SDK1: variants seen among roughly 807,000 people sequenced by gnomAD.
SDK1 encodes the protein sidekick cell adhesion molecule 1, also known as protein sidekick-1.
Under a neutral mutation model 245.5 loss-of-function variants are expected in SDK1, and 157 were observed. That is an observed-to-expected ratio of 0.64 (90% CI 0.56 to 0.73). SDK1 has a LOEUF of 0.73. Among genes scored for constraint, SDK1 ranks in the 30% least tolerant of loss-of-function variants. The probability of loss-of-function intolerance (pLI) is 0.00; values close to 1 mark genes in which losing one functional copy is unlikely to be tolerated. For missense variants in SDK1, 3,583 were observed against 3,002.3 expected (o/e 1.19, Z -4.52); for synonymous variants, 1,647 against 1,278.5 (o/e 1.29, Z -6.15).
intron 1 of SDK1, among the ~76,000 whole-genome samples, chr7:3,468,420 C>T (rs1455362174): frequency 6.6e-6 from 1 of 152,156 alleles, no homozygotes; most frequent in Non-Finnish European, 1.5e-5. Context: ...TCCCCCGAAT[C>T]TACCCATAGA....
At position 4,210,095 on chromosome 7, in the gene SDK1, G is replaced by A; in HGVS notation, c.5472G>A (p.Glu1824=). The A allele has an allele frequency of 6.2e-7, 1 of 1,610,552 alleles. No homozygotes were observed. The highest frequency in any genetic ancestry group is 8.5e-7 in the Non-Finnish European group (1 of 1,178,670). The change falls in exon 38 of 45, where the codon GAG becomes GAA. Residue 1824 remains glutamate, a synonymous_variant. Transcript: ENST00000404826. ...TSTTLNVSWG[E]PAAANGILQG... ...CCACGCTCAACGTGTCCTGGGGCGA[G>A]CCTGCGGCGGCCAACGGCATCCTGC...
chr7:4,150,864 C>T (rs760470285), intron 30 of SDK1, among the ~76,000 whole-genome samples: 1 of 152,226 alleles, frequency 6.6e-6, no homozygotes, highest in Non-Finnish European at 1.5e-5. Flanking sequence ...AGAGGCGAAG[C>T]ACTTGCCCAG....
intron 17 of SDK1, among the ~76,000 whole-genome samples, chr7:4,022,737 A>G (rs1224098715): frequency 6.7e-6 from 1 of 150,068 alleles, no homozygotes; most frequent in Non-Finnish European, 1.5e-5. Flanking sequence ...CCCACCACTC[A>G]CTGGCCACAC....
At chr7:3,403,883 TTTATA>T (rs1168509291) in intron 1 of SDK1, among the ~76,000 whole-genome samples, 1 of 132,924 alleles carries the variant, frequency 7.5e-6, no homozygotes, top group African/African-American at 2.8e-5. Flanking sequence ...TATATATTTA[TTTATA>T]TTATATATAT....
At chr7:4,236,443 G>T (rs1786174417) in intron 41 of SDK1, among the ~76,000 whole-genome samples, 1 of 152,050 alleles carries the variant, frequency 6.6e-6, no homozygotes, top group African/African-American at 2.4e-5. Flanking sequence ...CTAAAGACAG[G>T]GCCAGTCGTT....
At chr7:3,920,378 A>G (rs79537684) in intron 5 of SDK1, among the ~76,000 whole-genome samples, 1 of 152,210 alleles carries the variant, frequency 6.6e-6, no homozygotes, top group East Asian at 1.9e-4. Context: ...AGAGGGGAAC[A>G]TACTTGGGAG....
rs533741066 is a variant in SDK1, at chr7:3,511,755, A to G, written c.299-107325A>G. Reference sequence around the variant, plus strand: ...AAAAAATAAGCATACAAAATCAACCATTATTTTACCATTCTTAGGCAGCCA... The same window carrying G: ...AAAAAATAAGCATACAAAATCAACCGTTATTTTACCATTCTTAGGCAGCCA... On this transcript the variant is annotated intron_variant, in intron 1 of 44. Coordinates refer to ENST00000404826, the MANE Select transcript of SDK1 (RefSeq NM_152744.4). Among the ~76,000 whole-genome samples the G allele has an allele frequency of 3.9e-4, 59 of 151,730 alleles. 1 individual carries two copies. The highest frequency in any genetic ancestry group is 2.6e-3 in the Admixed American group (40 of 15,198).
At chr7:3,315,717 G>A (rs770204073) in intron 1 of SDK1, among the ~76,000 whole-genome samples, 2 of 152,064 alleles carry the variant, frequency 1.3e-5, no homozygotes, top group African/African-American at 2.4e-5. Context: ...AATTATGAAA[G>A]CAATTAGAAT....
At chr7:4,203,923 G>T (rs1784039817) in intron 35 of SDK1, among the ~76,000 whole-genome samples, 1 of 152,236 alleles carries the variant, frequency 6.6e-6, no homozygotes, top group Admixed American at 6.5e-5. Flanking sequence ...CCTGAGACAG[G>T]GTCATGGGCC....
intron 5 of SDK1, among the ~76,000 whole-genome samples, chr7:3,885,158 C>A (rs1781307611): frequency 6.6e-6 from 1 of 152,130 alleles, no homozygotes; most frequent in Admixed American, 6.5e-5. Flanking sequence ...ATGTCCACAA[C>A]GCGAGGGCTG....
intron 20 of SDK1, among the ~76,000 whole-genome samples, chr7:4,075,417 G>C (rs1027481721): frequency 2.0e-5 from 3 of 152,100 alleles, no homozygotes; most frequent in Non-Finnish European, 4.4e-5. Flanking sequence ...TTTATTTATT[G>C]CTTTCATCAG....
At chr7:3,846,058 G>A (rs1227928825) in intron 5 of SDK1, among the ~76,000 whole-genome samples, 1 of 152,158 alleles carries the variant, frequency 6.6e-6, no homozygotes, top group East Asian at 1.9e-4. Flanking sequence ...GTAAATGAGA[G>A]TAACTTGCAC....
chr7:4,132,709 G>A (rs762373054), intron 28 of SDK1, among the ~76,000 whole-genome samples: 10 of 152,116 alleles, frequency 6.6e-5, no homozygotes, highest in Non-Finnish European at 1.3e-4. Flanking sequence ...GCCTGAGAGA[G>A]AGTGCAAGAC....
At chr7:4,098,326 C>T (rs765557877) in intron 22 of SDK1, among the ~76,000 whole-genome samples, 1 of 152,146 alleles carries the variant, frequency 6.6e-6, no homozygotes, top group Non-Finnish European at 1.5e-5. Context: ...AAATCACAAC[C>T]GTCAAACCAA....
At chr7:3,662,440 A>G (rs751524563) in intron 4 of SDK1, among the ~76,000 whole-genome samples, 2 of 152,148 alleles carry the variant, frequency 1.3e-5, no homozygotes, top group Non-Finnish European at 2.9e-5. Flanking sequence ...GAAAGTGGGA[A>G]ACCCATGACT....
intron 4 of SDK1, among the ~76,000 whole-genome samples, chr7:3,764,578 A>G (rs2114993239): frequency 6.6e-6 from 1 of 152,270 alleles, no homozygotes; most frequent in African/African-American, 2.4e-5. Context: ...GCTAATTGGG[A>G]GGCTGAGGCA....
chr7:3,478,137 A>G (rs1165662025), intron 1 of SDK1, among the ~76,000 whole-genome samples: 1 of 152,172 alleles, frequency 6.6e-6, no homozygotes, highest in African/African-American at 2.4e-5. Context: ...CTTTTGTAAT[A>G]TATTTTAATG....
At chr7:3,517,247 T>C (rs1391505567) in intron 1 of SDK1, among the ~76,000 whole-genome samples, 2 of 152,200 alleles carry the variant, frequency 1.3e-5, no homozygotes, top group Admixed American at 6.6e-5. Flanking sequence ...TTCATCATTA[T>C]GTAAAAATTT....
intron 28 of SDK1, 51 bp from the exon 29 acceptor site, chr7:4,145,671 G>T (rs753824949): frequency 5.0e-5 from 77 of 1,529,260 alleles, no homozygotes; most frequent in Non-Finnish European, 6.6e-5. Flanking sequence ...GGGCTTCCCT[G>T]TGCCGTGGGT....
Sources: allele counts gnomAD v4.1 joint callset (sites outside exome capture counted in the v4.1 genomes callset), GRCh38; gene constraint gnomAD v4.1.1; transcripts MANE v1.5; gene names NCBI Gene and HGNC (gene_info 2026-07-23, HGNC 2026-07-21).